ANKRD27: variants seen among roughly 807,000 people sequenced by gnomAD.
ANKRD27 encodes ankyrin repeat domain 27, also known as ankyrin repeat domain-containing protein 27.
ANKRD27 carries 112 observed loss-of-function variants against 129.7 expected under a neutral mutation model. The observed-to-expected ratio is 0.86, with a 90% CI of 0.74 to 1.01. The LOEUF is 1.01. Among genes scored for constraint, ANKRD27 ranks in the 50% least tolerant of loss-of-function variants. ANKRD27 has a pLI of 0.00. For synonymous variants in ANKRD27, 516 were observed against 511.2 expected (o/e 1.01, Z -0.13); for missense variants, 1,258 against 1,300.5 (o/e 0.97, Z 0.50).
chr19:32,642,188 G>A (rs200051905), intron 9 of ANKRD27, 43 bp from the exon 10 acceptor site: 15 of 1,530,250 alleles, frequency 9.8e-6, no homozygotes, highest in African/African-American at 1.4e-5. Context: ...AGCACAGTAA[G>A]AGAACCCTCT....
At chr19:32,619,914 T>C (rs185086991) in intron 18 of ANKRD27, among the ~76,000 whole-genome samples, 1 of 152,084 alleles carries the variant, frequency 6.6e-6, no homozygotes, top group Non-Finnish European at 1.5e-5. Context: ...AGGCATGAGG[T>C]GTGGCCTTTC....
rs1364603354 is a variant in ANKRD27, at chr19:32,658,962, T to C, written c.54A>G (p.Gln18=). The C allele has an allele frequency of 1.2e-6, 2 of 1,613,990 alleles. No homozygotes were observed. Among genetic ancestry groups the C allele is most frequent in the African/African-American group, 2.7e-5 (2 of 74,882 alleles). Residue 18 remains glutamine (Q), a synonymous_variant, in exon 2 of 29, where the codon CAA becomes CAG. Transcript: ENST00000306065. ...TGCTGCACAAGTCAGGGCGGCACTT[T>C]TGCAGAGCCAGATAGAAAGGATTTT... ...LLKNPFYLAL[Q]KCRPDLCSKV...
intron 22 of ANKRD27, among the ~76,000 whole-genome samples, chr19:32,614,248 T>C (rs1971878528): frequency 6.6e-6 from 1 of 152,152 alleles, no homozygotes; most frequent in African/African-American, 2.4e-5. Flanking sequence ...ATACATAGAC[T>C]TTATTGTCTG....
chr19:32,647,758 G>A (rs1250763196), intron 3 of ANKRD27, among the ~76,000 whole-genome samples: 4 of 152,196 alleles, frequency 2.6e-5, no homozygotes, highest in East Asian at 3.8e-4. Context: ...GACAGGAGTC[G>A]GGCTTTGCGC....
intron 3 of ANKRD27, among the ~76,000 whole-genome samples, chr19:32,647,219 G>A (rs259218): frequency 0.76 from 115,213 of 152,188 alleles, 44,438 homozygotes; most frequent in African/African-American, 0.89. Flanking sequence ...TTTTTGTTGC[G>A]TATCGCAGAC....
At chr19:32,627,727 AT>A (rs1203827966) in intron 15 of ANKRD27, among the ~76,000 whole-genome samples, 1 of 152,132 alleles carries the variant, frequency 6.6e-6, no homozygotes, top group Non-Finnish European at 1.5e-5. Context: ...CAATAATAAT[AT>A]TTTTTTAAAG....
chr19:32,602,306 C>T (rs1004474837), intron 25 of ANKRD27, among the ~76,000 whole-genome samples, 180 bp from the exon 26 acceptor site: 4 of 151,842 alleles, frequency 2.6e-5, no homozygotes, highest in African/African-American at 9.7e-5. Context: ...ATGGGGAGCC[C>T]GGCTCTGCTT....
intron 4 of ANKRD27, among the ~76,000 whole-genome samples, chr19:32,646,066 G>C (rs1448419695): frequency 2.6e-5 from 4 of 151,658 alleles, no homozygotes; most frequent in African/African-American, 7.3e-5. Context: ...CGAGTAGCTG[G>C]GATTACAGGT....
chr19:32,606,331 T>C (rs957439405), intron 23 of ANKRD27, among the ~76,000 whole-genome samples: 2 of 152,076 alleles, frequency 1.3e-5, no homozygotes, highest in African/African-American at 2.4e-5. Flanking sequence ...TTTCTGTATT[T>C]TCAGTAGAGA....
intron 25 of ANKRD27, among the ~76,000 whole-genome samples, chr19:32,603,073 C>T (rs8104729): frequency 0.19 from 29,285 of 151,780 alleles, 3,532 homozygotes; most frequent in East Asian, 0.34. Context: ...CCAAGGGAGG[C>T]GGATCAGTTA....
Position 32,604,132 on chromosome 19 carries a change from C to T in ANKRD27, c.2655+131G>A, listed in dbSNP as rs1051716636. On this transcript the variant is annotated intron_variant, in intron 25 of 28. Transcript: ENST00000306065. ...CTACCCACGCTGTGGACTTCTGGCA[C>T]ACCAACTACGCCCAGCCCGGCGATG... 4 of 1,060,886 alleles carry T rather than the reference C, an allele frequency of 3.8e-6. No individual in the cohort carries two copies. The African/African-American group carries it at 6.3e-5, about 17-fold the overall frequency. 65.7% of individuals were successfully genotyped at this position (1,060,886 alleles called of 1,614,324 possible).
chr19:32,626,819 A>T lies in ANKRD27; in HGVS notation c.1429T>A (p.Ser477Thr). ...LHVAAVCGQA[S>T]LIDLLVSKGA... is the part of the protein sequence containing the mutation. ...TTGGAAACCAGGAGGTCGATGAGGG[A>T]TGCCTGCCCTGCAGAGCAGAAGGAC... The change falls in exon 16 of 29, where the codon TCC (serine) becomes ACC (threonine). Residue 477 changes from serine (S) to threonine (T), a missense_variant. Physicochemically the swap from Ser to Thr is moderately conservative, Grantham distance 58. Transcript: ENST00000306065. The T allele has an allele frequency of 6.2e-7, 1 of 1,609,040 alleles. No individual in the cohort carries two copies. The highest frequency in any genetic ancestry group is 1.3e-5 in the African/African-American group (1 of 74,924).
intron 13 of ANKRD27, among the ~76,000 whole-genome samples, chr19:32,629,701 A>C (rs1245757840): frequency 6.6e-6 from 1 of 152,120 alleles, no homozygotes; most frequent in Non-Finnish European, 1.5e-5. Context: ...CTCTGTCACA[A>C]AAAATAAAAA....
At chr19:32,641,218 A>C (rs1967194758) in intron 10 of ANKRD27, among the ~76,000 whole-genome samples, 1 of 147,204 alleles carries the variant, frequency 6.8e-6, no homozygotes, top group Non-Finnish European at 1.5e-5. Context: ...TCTCTTAAGA[A>C]AAAAAAAAAA....
Position 32,643,907 on chromosome 19 carries a change from C to T in ANKRD27, c.526-276G>A. 7.9e-6 allele frequency: 4 copies of T among 508,216 alleles called. No individual in the cohort carries two copies. In the South Asian group the frequency reaches 8.6e-5, roughly 11 times the overall value. The allele number at this position is 508,216 out of a possible 1,614,324, so 31.5% of individuals were successfully genotyped here. ...TTTCTTTTTAAGAGACAGGGTCTCA[C>T]TTTGTTGCCCAGAGTAGAGTGCAGT... On this transcript the variant is annotated intron_variant, in intron 5 of 28. Transcript: ENST00000306065.
intron 11 of ANKRD27, among the ~76,000 whole-genome samples, chr19:32,639,848 C>T (rs981335167): frequency 2.0e-5 from 3 of 152,214 alleles, no homozygotes; most frequent in Admixed American, 2.0e-4. Context: ...CTTGGTTTCC[C>T]CATCTGTAAG....
intron 24 of ANKRD27, 78 bp downstream of exon 24, chr19:32,605,757 C>T (rs746412640): frequency 1.0e-5 from 16 of 1,562,786 alleles, no homozygotes; most frequent in African/African-American, 4.1e-5. Flanking sequence ...ATCCCCAGTG[C>T]GCTGCGGGGG....
intron 22 of ANKRD27, among the ~76,000 whole-genome samples, chr19:32,613,993 C>T (rs549167407): frequency 6.6e-6 from 1 of 152,228 alleles, no homozygotes; most frequent in East Asian, 1.9e-4. Flanking sequence ...CAGGCATAAG[C>T]CACTTATGTA....
chr19:32,631,644 A>G (rs1966994950), intron 12 of ANKRD27, 150 bp from the exon 13 acceptor site: 1 of 664,638 alleles, frequency 1.5e-6, no homozygotes, highest in Admixed American at 2.7e-5. Context: ...GAGACGGAGG[A>G]CGGGCTGACG....
Sources: allele counts gnomAD v4.1 joint callset (sites outside exome capture counted in the v4.1 genomes callset), GRCh38; gene constraint gnomAD v4.1.1; transcripts MANE v1.5; gene names NCBI Gene and HGNC (gene_info 2026-07-23, HGNC 2026-07-21).